The following MTUS2 variants were observed in gnomAD, a reference collection of about 807,000 sequenced individuals.
MTUS2 encodes microtubule associated scaffold protein 2.
In MTUS2, 40 loss-of-function variants were observed where a neutral mutation model predicts 114.1. The observed-to-expected ratio is 0.35, with a 90% CI of 0.27 to 0.46. MTUS2 has a LOEUF of 0.46. MTUS2 is among the 20% of genes least tolerant of loss of function. MTUS2 has a pLI of 1.00. For synonymous variants in MTUS2, 688 were observed against 672.0 expected (o/e 1.02, Z -0.37); for missense variants, 1,679 against 1,705.4 (o/e 0.98, Z 0.27).
chr13:29,419,401 T>C (rs1452125591), intron 8 of MTUS2, among the ~76,000 whole-genome samples: 1 of 152,108 alleles, frequency 6.6e-6, no homozygotes, highest in South Asian at 2.1e-4. Context: ...GTTGATACCA[T>C]TGATACCACT....
At chr13:28,900,986 A>G (rs920372987) in intron 2 of MTUS2, among the ~76,000 whole-genome samples, 3 of 152,210 alleles carry the variant, frequency 2.0e-5, no homozygotes, top group African/African-American at 7.2e-5. Flanking sequence ...AGGCTGTACC[A>G]GTTTACATTC....
At chr13:29,157,820 GTAGATATAGATA>G (rs1332176828) in intron 5 of MTUS2, among the ~76,000 whole-genome samples, 1 of 115,372 alleles carries the variant, frequency 8.7e-6, no homozygotes, top group African/African-American at 2.6e-5. Context: ...AGATATAGAT[GTAGATATAGATA>G]TAGATATAGA....
intron 2 of MTUS2, among the ~76,000 whole-genome samples, chr13:29,000,385 G>T (rs1283953654): frequency 2.0e-5 from 3 of 151,804 alleles, no homozygotes; most frequent in African/African-American, 4.8e-5. Context: ...TTATTGAGTT[G>T]GAGTTTCATT....
intron 4 of MTUS2, among the ~76,000 whole-genome samples, chr13:29,048,287 A>G (rs1887728866): frequency 6.6e-6 from 1 of 152,182 alleles, no homozygotes; most frequent in African/African-American, 2.4e-5. Flanking sequence ...AAACATATGA[A>G]ATATAATACC....
chr13:29,225,529 A>G (rs1896073910), intron 5 of MTUS2, among the ~76,000 whole-genome samples: 2 of 152,340 alleles, frequency 1.3e-5, no homozygotes, highest in African/African-American at 4.8e-5. Context: ...ATGATCCACC[A>G]GCTGAAAGAT....
At chr13:29,408,526 C>A (rs1566184785) in intron 8 of MTUS2, among the ~76,000 whole-genome samples, 1 of 152,160 alleles carries the variant, frequency 6.6e-6, no homozygotes, top group Non-Finnish European at 1.5e-5. Flanking sequence ...CTGTGTTCTC[C>A]AGGCTGGTCT....
intron 8 of MTUS2, among the ~76,000 whole-genome samples, chr13:29,360,886 G>A (rs1281906957): frequency 1.3e-5 from 2 of 152,154 alleles, no homozygotes; most frequent in South Asian, 2.1e-4. Context: ...TAGTCACACT[G>A]CCTGCTCTGG....
At chr13:28,996,086 T>A (rs946746690) in intron 2 of MTUS2, among the ~76,000 whole-genome samples, 1 of 152,226 alleles carries the variant, frequency 6.6e-6, no homozygotes, top group African/African-American at 2.4e-5. Context: ...TAACCTCATT[T>A]ATTCAGAGTT....
intron 8 of MTUS2, among the ~76,000 whole-genome samples, chr13:29,421,751 AAG>A (rs1235889303): frequency 6.6e-5 from 10 of 152,222 alleles, no homozygotes; most frequent in Non-Finnish European, 1.2e-4. Context: ...ATCACAGAGA[AAG>A]AGGGAATTCA....
At chr13:28,862,255 C>T (rs1877032551) in intron 2 of MTUS2, among the ~76,000 whole-genome samples, 2 of 152,186 alleles carry the variant, frequency 1.3e-5, no homozygotes, top group African/African-American at 4.8e-5. Flanking sequence ...CCAAATTCTG[C>T]ATGATTACAT....
At chr13:29,324,029 C>T (rs143517696) in intron 6 of MTUS2, among the ~76,000 whole-genome samples, 3 of 152,258 alleles carry the variant, frequency 2.0e-5, no homozygotes, top group African/African-American at 4.8e-5. Flanking sequence ...ATATGAGGAG[C>T]GTCCACATGC....
chr13:28,894,928 G>T (rs1242574874), intron 2 of MTUS2, among the ~76,000 whole-genome samples: 1 of 152,164 alleles, frequency 6.6e-6, no homozygotes, highest in Non-Finnish European at 1.5e-5. Context: ...GCTAATTTAT[G>T]ATTAATATCA....
chr13:28,834,408 G>A (rs1015246084), intron 1 of MTUS2, among the ~76,000 whole-genome samples: 5 of 152,236 alleles, frequency 3.3e-5, no homozygotes, highest in Admixed American at 2.6e-4. Flanking sequence ...TTTCAAAAGA[G>A]TGACAAGATA....
chr13:29,113,834 A>C (rs1890976910), intron 5 of MTUS2, among the ~76,000 whole-genome samples: 1 of 152,116 alleles, frequency 6.6e-6, no homozygotes, highest in African/African-American at 2.4e-5. Context: ...GTCCCTACCT[A>C]AATCTCATAT....
At chr13:29,150,282 T>C (rs1329621173) in intron 5 of MTUS2, among the ~76,000 whole-genome samples, 1 of 152,210 alleles carries the variant, frequency 6.6e-6, no homozygotes, top group Non-Finnish European at 1.5e-5. Flanking sequence ...GTAGCAATTG[T>C]GAGTGGGAGT....
chr13:28,906,513 C>T (rs533119805), intron 2 of MTUS2, among the ~76,000 whole-genome samples: 1 of 151,584 alleles, frequency 6.6e-6, no homozygotes, highest in African/African-American at 2.4e-5. Flanking sequence ...TCGTTATGTA[C>T]CCAGTAGTCA....
At chr13:29,455,793 CA>C (rs1302982699) in intron 9 of MTUS2, among the ~76,000 whole-genome samples, 4 of 152,018 alleles carry the variant, frequency 2.6e-5, no homozygotes, top group Non-Finnish European at 5.9e-5. Context: ...CCAGCCTTGG[CA>C]ACATGGCAAA....
intron 2 of MTUS2, among the ~76,000 whole-genome samples, chr13:28,940,245 T>C (rs1882151635): frequency 6.6e-6 from 1 of 151,838 alleles, no homozygotes; most frequent in Non-Finnish European, 1.5e-5. Context: ...AAGGGGTAAG[T>C]GAACTGTGTT....
At chr13:29,377,957 T>C (rs923258556) in intron 8 of MTUS2, among the ~76,000 whole-genome samples, 7 of 152,208 alleles carry the variant, frequency 4.6e-5, no homozygotes, top group African/African-American at 1.7e-4. Flanking sequence ...GAATGGGCTG[T>C]TGGTATACAG....
Sources: allele counts gnomAD v4.1 joint callset (sites outside exome capture counted in the v4.1 genomes callset), GRCh38; gene constraint gnomAD v4.1.1; transcripts MANE v1.5; gene names NCBI Gene and HGNC (gene_info 2026-07-23, HGNC 2026-07-21).